The following SEMA4D variants were observed in gnomAD, a reference collection of about 807,000 sequenced individuals.
SEMA4D encodes semaphorin 4D.
A neutral mutation model predicts 74.8 loss-of-function variants in SEMA4D; 22 were observed. The observed-to-expected ratio is 0.29, with a 90% CI of 0.21 to 0.42. The LOEUF (loss-of-function observed/expected upper bound fraction) is 0.42, where lower values mean the gene tolerates loss of function less well. Ranked by LOEUF, SEMA4D falls within the 10% of genes least tolerant of loss-of-function variation. The probability of loss-of-function intolerance (pLI) is 1.00; values close to 1 mark genes in which losing one functional copy is unlikely to be tolerated. For missense variants in SEMA4D, 937 were observed against 1,118.4 expected (o/e 0.84, Z 2.31); for synonymous variants, 445 against 463.7 (o/e 0.96, Z 0.52).
chr9:89,408,590 C>T (rs1843799837), intron 2 of SEMA4D, among the ~76,000 whole-genome samples: 1 of 152,232 alleles, frequency 6.6e-6, no homozygotes, highest in Admixed American at 6.5e-5. Context: ...CGTGGCCAGG[C>T]TGCCCCATCC....
At chr9:89,364,194 C>A in intron 16 of SEMA4D, 1 of 682,370 alleles carries the variant, frequency 1.5e-6, no homozygotes, top group Non-Finnish European at 2.4e-6. Flanking sequence ...TCAAAGCACA[C>A]CTGTGTGGCC....
intron 2 of SEMA4D, among the ~76,000 whole-genome samples, chr9:89,432,902 T>C (rs901625836): frequency 3.3e-5 from 5 of 152,230 alleles, no homozygotes; most frequent in Non-Finnish European, 7.3e-5. Flanking sequence ...AAGAGACGTG[T>C]ACACTCATAT....
At chr9:89,401,433 G>A (rs1366388219) in intron 4 of SEMA4D, among the ~76,000 whole-genome samples, 2 of 152,180 alleles carry the variant, frequency 1.3e-5, no homozygotes, top group Non-Finnish European at 2.9e-5. Context: ...GCTAGACCCT[G>A]GAGATGAAAA....
chr9:89,425,928 C>A (rs1490824240), intron 2 of SEMA4D, among the ~76,000 whole-genome samples: 1 of 152,182 alleles, frequency 6.6e-6, no homozygotes, highest in South Asian at 2.1e-4. Context: ...AGAGACAGGC[C>A]CTTCAGAAAC....
chr9:89,434,448 A>C (rs1849956641), intron 2 of SEMA4D, among the ~76,000 whole-genome samples: 1 of 152,142 alleles, frequency 6.6e-6, no homozygotes, highest in South Asian at 2.1e-4. Flanking sequence ...GTATGTAAAA[A>C]TGTTAGTCTG....
chr9:89,471,868 A>G (rs1860401803), intron 1 of SEMA4D, among the ~76,000 whole-genome samples: 1 of 138,788 alleles, frequency 7.2e-6, no homozygotes, highest in South Asian at 2.5e-4. Flanking sequence ...TCAGGTGCAT[A>G]TAGGTTGAGG....
chr9:89,488,480 C>T (rs910667467), intron 1 of SEMA4D, among the ~76,000 whole-genome samples: 2 of 141,224 alleles, frequency 1.4e-5, no homozygotes, highest in Admixed American at 1.6e-4. Flanking sequence ...TCAAGTGATT[C>T]TCCTGCCTCA....
chr9:89,400,776 CTCTT>C (rs72286280), intron 4 of SEMA4D, among the ~76,000 whole-genome samples: 8,153 of 150,704 alleles, frequency 0.054, 496 homozygotes, highest in East Asian at 0.32. Context: ...TGGCGGGGGT[CTCTT>C]TATTTTTTTC....
rs1228633079 is a variant in SEMA4D, at chr9:89,384,425, T to C, written c.1446+1942A>G. 3.9e-5 allele frequency among the ~76,000 whole-genome samples: 6 copies of C among 152,260 alleles called. No homozygotes were observed. In the East Asian group the frequency reaches 7.7e-4, roughly 20 times the overall value. On this transcript the variant is annotated intron_variant, in intron 13 of 15. Coordinates refer to ENST00000422704, the MANE Select transcript of SEMA4D (RefSeq NM_001371194.2). ...GATAAATACTGTGTGATTCCACTCA[T>C]ATGAGGTACCCAGACAGAAACAGAA...
At chr9:89,447,781 C>A (rs1221259171) in intron 2 of SEMA4D, among the ~76,000 whole-genome samples, 1 of 151,246 alleles carries the variant, frequency 6.6e-6, no homozygotes, top group Admixed American at 6.6e-5. Flanking sequence ...CAGCCCACTG[C>A]CCCCCACCAC....
chr9:89,442,434 G>T (rs527547363), intron 2 of SEMA4D, among the ~76,000 whole-genome samples: 85 of 152,128 alleles, frequency 5.6e-4, no homozygotes, highest in African/African-American at 2.0e-3. Flanking sequence ...AAATGCAGTG[G>T]AATAGAAAAA....
At chr9:89,451,923 C>G (rs961041322) in intron 2 of SEMA4D, among the ~76,000 whole-genome samples, 1 of 152,204 alleles carries the variant, frequency 6.6e-6, no homozygotes, top group East Asian at 1.9e-4. Context: ...CAAGGCATCT[C>G]GGCTCTGATC....
intron 1 of SEMA4D, among the ~76,000 whole-genome samples, chr9:89,496,766 G>C (rs1354457302): frequency 2.6e-5 from 4 of 152,198 alleles, no homozygotes; most frequent in African/African-American, 9.7e-5. Flanking sequence ...ACCTCGCCTG[G>C]GCAGCCAGCA....
At chr9:89,379,726 C>T (rs1836578894) in intron 15 of SEMA4D, 97 bp from the exon 16 acceptor site, 2 of 1,367,696 alleles carry the variant, frequency 1.5e-6, no homozygotes, top group African/African-American at 2.9e-5. Flanking sequence ...AGAGTTTCAC[C>T]CACTGTAGCA....
chr9:89,376,853 T>C (rs548842455), downstream of SEMA4D: 63 of 1,543,466 alleles, frequency 4.1e-5, no homozygotes, highest in East Asian at 1.1e-3. Flanking sequence ...GCAGAAGAGG[T>C]AGAAGTTCCC....
intron 16 of SEMA4D, chr9:89,365,073 T>C (rs1458957375): frequency 6.6e-6 from 1 of 152,302 alleles, no homozygotes; most frequent in Non-Finnish European, 1.5e-5. Context: ...CTCCCTGTTC[T>C]TACTGAAGGA....
intron 1 of SEMA4D, among the ~76,000 whole-genome samples, chr9:89,486,101 T>G (rs926303387): frequency 1.3e-5 from 2 of 152,190 alleles, no homozygotes; most frequent in Non-Finnish European, 2.9e-5. Context: ...CATAACTTCT[T>G]TCCCTTGTTT....
At chr9:89,375,254 C>T (rs1169644433), downstream of SEMA4D, among the ~76,000 whole-genome samples, 1 of 152,182 alleles carries the variant, frequency 6.6e-6, no homozygotes, top group Admixed American at 6.5e-5. Context: ...GACATGAAGT[C>T]CTCTGGGATG....
chr9:89,363,940 G>A (rs1388862637), exon 17 of SEMA4D: 3 of 1,614,088 alleles, frequency 1.9e-6, no homozygotes, highest in South Asian at 1.1e-5. Flanking sequence ...CAAAGCGAAT[G>A]TCTGCAGGAC....
Sources: allele counts gnomAD v4.1 joint callset (sites outside exome capture counted in the v4.1 genomes callset), GRCh38; gene constraint gnomAD v4.1.1; transcripts MANE v1.5; gene names NCBI Gene and HGNC (gene_info 2026-07-23, HGNC 2026-07-21).